Variants in ARB2A observed in about 807,000 individuals in gnomAD.
ARB2A encodes the protein ARB2 cotranscriptional regulator A.
chr5:93,727,084 G>T, the ARB2A span, among the ~76,000 whole-genome samples: 2 of 152,016 alleles, frequency 1.3e-5, no homozygotes, highest in East Asian at 3.9e-4. Context: ...AAAGTAGTTT[G>T]CATTTGCTGA....
At chr5:93,805,727 A>C in the ARB2A span, 1 of 985,184 alleles carries the variant, frequency 1.0e-6, no homozygotes, top group Non-Finnish European at 1.2e-6. Flanking sequence ...GTTCAGCTCA[A>C]ATGCATATGT....
At chr5:93,883,803 A>G in the ARB2A span, among the ~76,000 whole-genome samples, 1 of 151,316 alleles carries the variant, frequency 6.6e-6, no homozygotes, top group African/African-American at 2.4e-5. Context: ...CATAGGCCAA[A>G]AAGAAAATTG....
chr5:93,817,461 A>G, the ARB2A span, among the ~76,000 whole-genome samples: 1 of 152,170 alleles, frequency 6.6e-6, no homozygotes, highest in East Asian at 1.9e-4. Context: ...TTTTTGCAGA[A>G]ATTAACAAAT....
the ARB2A span, among the ~76,000 whole-genome samples, chr5:93,943,784 T>A: frequency 1.3e-5 from 2 of 152,238 alleles, no homozygotes; most frequent in South Asian, 2.1e-4. Context: ...TAGATAACCA[T>A]CTATAATGGC....
chr5:94,047,428 G>A, the ARB2A span, among the ~76,000 whole-genome samples: 1 of 151,134 alleles, frequency 6.6e-6, no homozygotes, highest in Non-Finnish European at 1.5e-5. Flanking sequence ...GGAAGTGGAG[G>A]TTGCAGTGAG....
chr5:94,005,409 T>C, the ARB2A span, among the ~76,000 whole-genome samples: 1 of 152,176 alleles, frequency 6.6e-6, no homozygotes. Context: ...GGTTTCACCA[T>C]ATTGCCCAGG....
At chr5:94,055,635 C>T in the ARB2A span, 196 of 985,170 alleles carry the variant, frequency 2.0e-4, no homozygotes, top group African/African-American at 3.3e-3. Flanking sequence ...GTTGACAATT[C>T]TTCATTCATT....
the ARB2A span, among the ~76,000 whole-genome samples, chr5:94,034,580 T>A: frequency 6.6e-6 from 1 of 152,358 alleles, no homozygotes; most frequent in Middle Eastern, 3.4e-3. Flanking sequence ...ACCATGACTT[T>A]GCTTATTAAA....
At chr5:94,068,269 A>G in the ARB2A span, among the ~76,000 whole-genome samples, 1 of 152,242 alleles carries the variant, frequency 6.6e-6, no homozygotes, top group Non-Finnish European at 1.5e-5. Context: ...GCACTTAGCC[A>G]TGCAGGAACA....
the ARB2A span, among the ~76,000 whole-genome samples, chr5:93,937,350 C>A: frequency 2.0e-5 from 3 of 150,882 alleles, no homozygotes; most frequent in African/African-American, 4.9e-5. Context: ...CACCTGTAAT[C>A]CCAGCACTTT....
At chr5:93,998,250 T>C in the ARB2A span, among the ~76,000 whole-genome samples, 5 of 151,932 alleles carry the variant, frequency 3.3e-5, no homozygotes, top group Admixed American at 2.0e-4. Context: ...CTAGAGAGTA[T>C]TGAGATGGGG....
chr5:93,657,905 C>CTAATAAAGATT, the ARB2A span, among the ~76,000 whole-genome samples: 1 of 152,132 alleles, frequency 6.6e-6, no homozygotes, highest in African/African-American at 2.4e-5. Flanking sequence ...AGAAATCTTT[C>CTAATAAAGATT]AGCTAAAAAC....
At chr5:93,989,637 G>A in the ARB2A span, among the ~76,000 whole-genome samples, 1 of 152,248 alleles carries the variant, frequency 6.6e-6, no homozygotes, top group East Asian at 1.9e-4. Flanking sequence ...TCTCTGTGAT[G>A]CACACTATTA....
At chr5:93,908,254 A>G in the ARB2A span, among the ~76,000 whole-genome samples, 1 of 151,172 alleles carries the variant, frequency 6.6e-6, no homozygotes. Context: ...TTTTACAATC[A>G]TTTTCCAAAT....
chr5:93,648,566 T>C, the ARB2A span, among the ~76,000 whole-genome samples: 1 of 152,088 alleles, frequency 6.6e-6, no homozygotes, highest in East Asian at 1.9e-4. Flanking sequence ...AGTAAAAGAG[T>C]TGATGGAGAG....
chr5:93,810,906 T>G, the ARB2A span, among the ~76,000 whole-genome samples: 2 of 152,092 alleles, frequency 1.3e-5, no homozygotes, highest in African/African-American at 2.4e-5. Flanking sequence ...TTTCCTCATA[T>G]GCAACTGAGG....
chr5:93,745,637 A>G, the ARB2A span, among the ~76,000 whole-genome samples: 1 of 152,130 alleles, frequency 6.6e-6, no homozygotes, highest in Non-Finnish European at 1.5e-5. Context: ...TCAAGAGTCT[A>G]TAAGAAGCTC....
the ARB2A span, chr5:93,683,389 A>G: frequency 1.9e-6 from 3 of 1,602,280 alleles, no homozygotes; most frequent in Non-Finnish European, 1.7e-6. Context: ...GTCCACTAAT[A>G]TGCACTGGCC....
the ARB2A span, among the ~76,000 whole-genome samples, chr5:93,978,748 C>A: frequency 6.6e-6 from 1 of 151,974 alleles, no homozygotes; most frequent in African/African-American, 2.4e-5. Flanking sequence ...ATGTAACAAA[C>A]CTGCACATGT....
Sources: allele counts gnomAD v4.1 joint callset (sites outside exome capture counted in the v4.1 genomes callset), GRCh38; gene constraint gnomAD v4.1.1; transcripts MANE v1.5; gene names NCBI Gene and HGNC (gene_info 2026-07-23, HGNC 2026-07-21).